The following GRIP2 variants were observed in gnomAD, a reference collection of about 807,000 sequenced individuals.
The protein encoded by GRIP2 is glutamate receptor-interacting protein 2.
Under a neutral mutation model 108.3 loss-of-function variants are expected in GRIP2, and 58 were observed. The ratio of observed to expected loss-of-function variants is 0.54; its 90% CI spans 0.43 to 0.67. GRIP2 has a LOEUF of 0.67. Among genes scored for constraint, GRIP2 ranks in the 30% least tolerant of loss-of-function variants. The probability of loss-of-function intolerance (pLI) is 0.00; values close to 1 mark genes in which losing one functional copy is unlikely to be tolerated. For synonymous variants in GRIP2, 586 were observed against 598.2 expected, an observed-to-expected ratio of 0.98 and a Z score of 0.30; for missense variants, 1,278 against 1,430.6, an observed-to-expected ratio of 0.89 and a Z score of 1.72.
rs1001584119 is a variant in GRIP2 at position 14,505,720 on chromosome 3, C to T, written c.2468G>A (p.Gly823Asp). The T allele has an allele frequency of 7.9e-5, 125 of 1,589,276 alleles. No homozygotes were observed. Among genetic ancestry groups the T allele is most frequent in the Non-Finnish European group, 8.6e-5 (100 of 1,168,224 alleles). The change falls in exon 20 of 24, where the codon GGC becomes GAC. Residue 823 changes from glycine (G) to aspartate (D), a missense_variant. By Grantham distance (94) the Gly-to-Asp change is moderately conservative. Transcript: ENST00000621039. This position sits in a 1 kb window ranked among gnomAD's most constrained non-coding sequence, Gnocchi z 4.2. ...CCGGGGCTCGGTGGGTGGGGGGCTG[C>T]CCCTCAGCCAGCCAGGCCTCCGCTC... ...PQERRPGWLR[G>D]SPPPTEPRRT...
At chr3:14,509,354 G>C (rs1694019422) in intron 17 of GRIP2, among the ~76,000 whole-genome samples, 1 of 152,202 alleles carries the variant, frequency 6.6e-6, no homozygotes. Context: ...CCTCACCCTG[G>C]GACAGGGCTC....
intron 10 of GRIP2, 93 bp downstream of exon 10, chr3:14,517,679 A>AG (rs1018721652): frequency 3.9e-4 from 573 of 1,488,116 alleles, no homozygotes; most frequent in Non-Finnish European, 4.7e-4. Context: ...CTAATCTCTG[A>AG]GTCTGAGTTT....
intron 21 of GRIP2, among the ~76,000 whole-genome samples, chr3:14,496,924 A>T (rs1693623799): frequency 6.6e-6 from 1 of 151,812 alleles, no homozygotes; most frequent in Non-Finnish European, 1.5e-5. Context: ...GATATAAAAA[A>T]GATTTGAACC....
chr3:14,565,837 C>T, the GRIP2 span, among the ~76,000 whole-genome samples: 1 of 152,232 alleles, frequency 6.6e-6, no homozygotes, highest in South Asian at 2.1e-4. Context: ...TGGAGCTTGT[C>T]CCGGCCACCT....
At chr3:14,520,559 GTTTGAAA>G in intron 7 of GRIP2, 22 bp from the exon 8 acceptor site, 3 of 1,613,160 alleles carry the variant, frequency 1.9e-6, no homozygotes, top group Non-Finnish European at 2.5e-6. Context: ...GAGAAAAAAA[GTTTGAAA>G]TGCAAATACC....
upstream of GRIP2, among the ~76,000 whole-genome samples, chr3:14,541,032 T>C (rs1003752185): frequency 1.3e-5 from 2 of 152,240 alleles, no homozygotes; most frequent in African/African-American, 4.8e-5. Flanking sequence ...GCAGGGCCAG[T>C]TGGTCACAGG....
chr3:14,578,600 C>T, the GRIP2 span, among the ~76,000 whole-genome samples: 1 of 151,982 alleles, frequency 6.6e-6, no homozygotes, highest in Non-Finnish European at 1.5e-5. Flanking sequence ...ACCTGTAATC[C>T]CAGCTACTCG....
At chr3:14,544,751 T>C (rs557385968), upstream of GRIP2, among the ~76,000 whole-genome samples, 1 of 152,328 alleles carries the variant, frequency 6.6e-6, no homozygotes, top group Admixed American at 6.5e-5. Context: ...AGAACCTGCA[T>C]CTTGTTGTTA....
At chr3:14,542,153 AT>A (rs568064161), upstream of GRIP2, 24 of 990,840 alleles carry the variant, frequency 2.4e-5, no homozygotes, top group Admixed American at 3.5e-5. Flanking sequence ...TTTATTTTTT[AT>A]TTTTTTTATT....
At position 14,520,379 on chromosome 3, in the gene GRIP2, G is replaced by T. The variant is rs899970315; in HGVS notation, c.860+11C>A. 6.2e-7 allele frequency: 1 copy of T among 1,610,824 alleles called. No homozygotes were observed. The highest frequency in any genetic ancestry group is 8.5e-7 in the Non-Finnish European group (1 of 1,178,592). The stretch of plus-strand genomic sequence containing the variant: ...CACCTCCATGGTGGCAGCACCCAGG[G>T]TGTGCCTTACCTGTCCACCACGCTG... On this transcript the variant is annotated intron_variant, in intron 8 of 23. Transcript: ENST00000621039.
At chr3:14,523,133 C>A in intron 5 of GRIP2, 58 bp from the exon 6 acceptor site, 2 of 1,317,522 alleles carry the variant, frequency 1.5e-6, no homozygotes, top group South Asian at 1.3e-5. Context: ...CATCCAGAGG[C>A]TCCCACACAG....
chr3:14,534,820 C>A (rs547248533), intron 1 of GRIP2, among the ~76,000 whole-genome samples: 1 of 152,116 alleles, frequency 6.6e-6, no homozygotes, highest in African/African-American at 2.4e-5. Flanking sequence ...CATTATCTCC[C>A]GCTCTCTGGG....
At chr3:14,495,322 A>G (rs548791157) in intron 22 of GRIP2, among the ~76,000 whole-genome samples, 11 of 152,128 alleles carry the variant, frequency 7.2e-5, no homozygotes, top group East Asian at 1.9e-4. Flanking sequence ...ACTCATTCCC[A>G]TTTACCAAAG....
the GRIP2 span, among the ~76,000 whole-genome samples, chr3:14,589,644 C>T: frequency 6.6e-6 from 1 of 151,876 alleles, no homozygotes; most frequent in South Asian, 2.1e-4. Flanking sequence ...GGAGAAGGAA[C>T]GGCCGGGTCA....
At position 14,517,019 on chromosome 3, in the gene GRIP2, A is replaced by G. The variant is rs573345871; in HGVS notation, c.1306+45T>C. On this transcript the variant is annotated intron_variant, in intron 11 of 23. Transcript: ENST00000621039. ...ACACCCTTTGGCAAGCCTCACTCTC[A>G]GACATACAAGCAGCCCAAGGAGGAG... The G allele has an allele frequency of 3.4e-5, 49 of 1,450,352 alleles. No homozygotes were observed. The South Asian group carries it at 6.9e-4, about 20-fold the overall frequency. The allele number at this position is 1,450,352 out of a possible 1,614,324, so 89.8% of individuals were successfully genotyped here.
chr3:14,573,005 G>T, the GRIP2 span: 30 of 1,472,230 alleles, frequency 2.0e-5, no homozygotes, highest in African/African-American at 3.8e-4. Context: ...GAAAGATGAT[G>T]ATCAGGCAGC....
rs1261783226 is a variant in GRIP2 at position 14,517,921 on chromosome 3, A to T, written c.1031-24T>A. On this transcript the variant is annotated intron_variant, in intron 9 of 23. Transcript: ENST00000621039. ...CACTGTAGCCAGCGGAGAAAGAGGA[A>T]AGAGAGGTGCAGGCGTTAGTGGCTG... 5 of 1,524,042 alleles carry T rather than the reference A, an allele frequency of 3.3e-6. No individual in the cohort carries two copies. In the African/African-American group the frequency reaches 7.0e-5, roughly 21 times the overall value. The allele number at this position is 1,524,042 out of a possible 1,614,324, so 94.4% of individuals were successfully genotyped here. A position where few individuals can be genotyped will look rare whatever the true frequency, so the allele number is the denominator to read the frequency against.
chr3:14,592,015 G>C, the GRIP2 span, among the ~76,000 whole-genome samples: 3 of 152,168 alleles, frequency 2.0e-5, no homozygotes, highest in Non-Finnish European at 2.9e-5. Flanking sequence ...CTGATGTCTG[G>C]CACATAGCAG....
intron 1 of GRIP2, among the ~76,000 whole-genome samples, chr3:14,553,960 T>A (rs1304234297): frequency 3.3e-5 from 5 of 152,162 alleles, no homozygotes; most frequent in Admixed American, 3.3e-4. Flanking sequence ...GGTTGAGCCC[T>A]CCTTTTTCCT....
Sources: gnomAD v4.1 joint callset for allele counts (sites outside exome capture counted in the v4.1 genomes callset) on GRCh38, gnomAD v4.1.1 for gene constraint, Gnocchi (gnomAD v3.1) non-coding constraint, MANE v1.5 for transcripts, NCBI Gene and HGNC (gene_info 2026-07-23, HGNC 2026-07-21) for gene names.